Variants in SLCO4A1 observed in about 807,000 individuals in gnomAD.
SLCO4A1 encodes the protein colon organic anion transporter.
SLCO4A1 carries 51 observed loss-of-function variants against 64.6 expected under a neutral mutation model. The observed-to-expected ratio is 0.79, with a 90% CI of 0.63 to 1.00. The LOEUF (loss-of-function observed/expected upper bound fraction) is 1.00, where lower values mean the gene tolerates loss of function less well. SLCO4A1 is among the 50% of genes least tolerant of loss of function. The pLI is 0.00. For missense variants in SLCO4A1, 919 were observed against 980.5 expected (o/e 0.94, Z 0.84); for synonymous variants, 471 against 444.9 (o/e 1.06, Z -0.74).
chr20:62,676,424 T>C (rs960577656), downstream of SLCO4A1, among the ~76,000 whole-genome samples: 4 of 151,570 alleles, frequency 2.6e-5, no homozygotes, highest in Admixed American at 6.6e-5. Flanking sequence ...TTTCTCAAAA[T>C]AATAATAAGA....
intron 3 of SLCO4A1, among the ~76,000 whole-genome samples, chr20:62,659,286 G>T (rs1006239780): frequency 3.3e-5 from 5 of 152,166 alleles, no homozygotes; most frequent in Admixed American, 3.3e-4. Context: ...AGATGGGGAG[G>T]CAGAGGAGAC....
At position 62,660,371 on chromosome 20, in the gene SLCO4A1, T is replaced by C. The variant is rs548538518; in HGVS notation, c.888-41T>C. ...GTGTGTGTGCCATGGAGGGCACAGG[T>C]GGGCTGCACGCTGACCCAGGTGCCA... On this transcript the variant is annotated intron_variant, in intron 3 of 11. Transcript: ENST00000217159. 2.5e-6 allele frequency: 4 copies of C among 1,588,632 alleles called. No homozygotes were observed. The East Asian group carries it at 6.7e-5, about 27-fold the overall frequency.
downstream of SLCO4A1, among the ~76,000 whole-genome samples, chr20:62,688,984 G>A (rs1010403155): frequency 5.3e-5 from 8 of 152,208 alleles, no homozygotes; most frequent in African/African-American, 1.2e-4. Flanking sequence ...ACAAAAGCTC[G>A]AGCACAGTTA....
chr20:62,672,453 C>T (rs576328222), downstream of SLCO4A1: 9 of 195,810 alleles, frequency 4.6e-5, no homozygotes, highest in African/African-American at 1.7e-4. Context: ...TCCTTATCCA[C>T]AGGCTCCCCT....
At position 62,661,021 on chromosome 20, in the gene SLCO4A1, G is replaced by GAGCCCC; in HGVS notation, c.1010-42_1010-37dup. The GAGCCCC allele has an allele frequency of 1.8e-6, 1 of 546,146 alleles. No homozygotes were observed. The highest frequency in any genetic ancestry group is 3.5e-6 in the Non-Finnish European group (1 of 282,278). 33.8% of individuals were successfully genotyped at this position (546,146 alleles called of 1,614,324 possible). On this transcript the variant is annotated intron_variant, in intron 4 of 11. Coordinates refer to ENST00000217159, the MANE Select transcript of SLCO4A1 (RefSeq NM_016354.4). The surrounding 1 kb of genome is among the most constrained non-coding windows in gnomAD (Gnocchi z 5.2). The stretch of plus-strand genomic sequence containing the variant: ...CTCTCTCGGAGAAGTCCACCTCCGG[G>GAGCCCC]AGCCCCCAGCCCCCAGCCCCAGCTC...
intron 1 of SLCO4A1, among the ~76,000 whole-genome samples, chr20:62,646,436 TC>T (rs1356120014): frequency 3.3e-5 from 5 of 151,986 alleles, no homozygotes; most frequent in Admixed American, 3.3e-4. Context: ...TGTAAAGGGG[TC>T]CCCCCACATG....
chr20:62,667,758 G>A lies in SLCO4A1; in HGVS notation c.1486G>A (p.Gly496Ser), dbSNP rs757968226. The change falls in exon 8 of 12, where the codon GGC (glycine) becomes AGC (serine). Residue 496 changes from glycine to serine, a missense_variant. Transcript: ENST00000217159. ...CCCCCTCTGCAGCCTCCTGCCCGAA[G>A]GCCACCTGAACCTAACGGCTCCCTG... ...ASYGGSLLPE[G>S]HLNLTAPCNA... The A allele has an allele frequency of 6.8e-6, 11 of 1,608,346 alleles. No homozygotes were observed. The South Asian group carries it at 1.2e-4, about 18-fold the overall frequency.
At chr20:62,676,489 G>A (rs1482991015), downstream of SLCO4A1, among the ~76,000 whole-genome samples, 1 of 152,078 alleles carries the variant, frequency 6.6e-6, no homozygotes, top group Admixed American at 6.5e-5. Context: ...ATGGGCAAAG[G>A]ATTTGACTTT....
At chr20:62,643,195 C>T (rs1464943895) in intron 1 of SLCO4A1, 6 of 352,318 alleles carry the variant, frequency 1.7e-5, no homozygotes, top group Non-Finnish European at 2.9e-5. Flanking sequence ...CACCACGCGA[C>T]GTCCTGGCCG....
At chr20:62,660,742 C>T (rs1984629026) in intron 4 of SLCO4A1, among the ~76,000 whole-genome samples, 1 of 152,224 alleles carries the variant, frequency 6.6e-6, no homozygotes, top group Non-Finnish European at 1.5e-5. Context: ...TGTCCTGTGG[C>T]CTCCCCTCTG....
intron 2 of SLCO4A1, among the ~76,000 whole-genome samples, chr20:62,683,388 C>G (rs2427380): frequency 0.58 from 87,518 of 151,910 alleles, 25,349 homozygotes; most frequent in East Asian, 0.71. Context: ...TTCCATCACT[C>G]TCGGTGGGGG....
chr20:62,675,504 C>G (rs1987548305), downstream of SLCO4A1, among the ~76,000 whole-genome samples: 1 of 152,174 alleles, frequency 6.6e-6, no homozygotes, highest in Non-Finnish European at 1.5e-5. Flanking sequence ...TGACTCAGGC[C>G]CAGGGAGGAG....
chr20:62,675,562 G>A (rs1987550693), downstream of SLCO4A1, among the ~76,000 whole-genome samples: 1 of 152,226 alleles, frequency 6.6e-6, no homozygotes, highest in Non-Finnish European at 1.5e-5. Context: ...GGGGCAGAGA[G>A]GAAGCAGTCT....
At chr20:62,668,290 T>G (rs750705206) in intron 9 of SLCO4A1, 106 bp downstream of exon 9, 13 of 1,375,766 alleles carry the variant, frequency 9.4e-6, no homozygotes, top group Non-Finnish European at 1.3e-5. Context: ...CACCCAGGTC[T>G]AAGCGGGCCT....
At chr20:62,655,845 G>A (rs1292199219) in intron 1 of SLCO4A1, among the ~76,000 whole-genome samples, 1 of 152,206 alleles carries the variant, frequency 6.6e-6, no homozygotes, top group African/African-American at 2.4e-5. Flanking sequence ...AGAGCTGCCG[G>A]GTGTGAACTT....
rs551990572 is a variant in SLCO4A1 at position 62,683,635 on chromosome 20, G to A, written n.212-1806G>A. Among the ~76,000 whole-genome samples, 10 of 152,284 alleles carry A rather than the reference G, an allele frequency of 6.6e-5. No homozygotes were observed. The East Asian group carries it at 7.7e-4, about 12-fold the overall frequency. On this transcript the variant is annotated intron_variant and non_coding_transcript_variant, in intron 2 of 2. Coordinates refer to the SLCO4A1 transcript ENST00000466818. ...TAGAGACACAAATGCTCACTGTTGC[G>A]TTACAGTTGCCTCTTGTATTCAGCA...
At chr20:62,682,600 A>G (rs938215773) in intron 2 of SLCO4A1, among the ~76,000 whole-genome samples, 1 of 152,150 alleles carries the variant, frequency 6.6e-6, no homozygotes, top group African/African-American at 2.4e-5. Flanking sequence ...GCCAAAGTCC[A>G]GGCATCATCC....
At chr20:62,680,709 C>G (rs148277520) in intron 2 of SLCO4A1, among the ~76,000 whole-genome samples, 1 of 152,160 alleles carries the variant, frequency 6.6e-6, no homozygotes, top group Non-Finnish European at 1.5e-5. Context: ...GCCTGCCCCC[C>G]ACCCCCTGGG....
At chr20:62,678,166 G>A (rs972322483) in intron 2 of SLCO4A1, among the ~76,000 whole-genome samples, 4 of 152,352 alleles carry the variant, frequency 2.6e-5, no homozygotes, top group Admixed American at 1.3e-4. Context: ...TGCCCTGGGC[G>A]AGCGGCGACT....
Sources: gnomAD v4.1 joint callset for allele counts (sites outside exome capture counted in the v4.1 genomes callset) on GRCh38, gnomAD v4.1.1 for gene constraint, Gnocchi (gnomAD v3.1) non-coding constraint, MANE v1.5 for transcripts, NCBI Gene and HGNC (gene_info 2026-07-23, HGNC 2026-07-21) for gene names.